Variants in OR11A1 observed in about 807,000 individuals in gnomAD.
The protein encoded by OR11A1 is olfactory receptor family 11 subfamily A member 1.
For synonymous variants in OR11A1, 158 were observed against 152.2 expected (o/e 1.04, Z -0.28); for missense variants, 380 against 378.2 (o/e 1.00, Z -0.04).
At chr6:29,447,789 C>G (rs568806232) in intron 1 of OR11A1, among the ~76,000 whole-genome samples, 2 of 152,278 alleles carry the variant, frequency 1.3e-5, no homozygotes, top group Non-Finnish European at 1.5e-5. Context: ...GCTTTTAATT[C>G]TTCCTGTTTC....
At chr6:29,437,090 G>A (rs1783692903) in intron 1 of OR11A1, among the ~76,000 whole-genome samples, 1 of 152,158 alleles carries the variant, frequency 6.6e-6, no homozygotes, top group Non-Finnish European at 1.5e-5. Flanking sequence ...GCTGTTGGTG[G>A]GACTGTAAAC....
intron 1 of OR11A1, chr6:29,440,277 C>A (rs781721806): frequency 6.2e-7 from 1 of 1,613,918 alleles, no homozygotes; most frequent in African/African-American, 1.3e-5. Flanking sequence ...CCTTACTGGC[C>A]GGCGCCACAT....
chr6:29,443,961 C>G (rs1406426400), intron 1 of OR11A1, among the ~76,000 whole-genome samples: 2 of 150,058 alleles, frequency 1.3e-5, no homozygotes, highest in African/African-American at 5.0e-5. Flanking sequence ...TTAGAGCCAC[C>G]AATCAGTAAT....
chr6:29,446,093 A>C (rs1160680660), intron 1 of OR11A1, among the ~76,000 whole-genome samples: 4 of 152,154 alleles, frequency 2.6e-5, no homozygotes, highest in African/African-American at 9.7e-5. Flanking sequence ...CAAAGATGCC[A>C]CCCATCATCT....
At chr6:29,440,193 T>C (rs2074469) in intron 1 of OR11A1, 300,315 of 1,613,666 alleles carry the variant, frequency 0.19, 28,981 homozygotes, top group Admixed American at 0.26. Context: ...CCCTATGTAC[T>C]TCTTCCTGCG....
intron 1 of OR11A1, among the ~76,000 whole-genome samples, chr6:29,451,184 CA>C (rs1190081839): frequency 6.6e-6 from 1 of 152,186 alleles, no homozygotes; most frequent in Non-Finnish European, 1.5e-5. Context: ...TTCCTTTCAC[CA>C]TATGCAAAAG....
Position 29,426,512 on chromosome 6 carries a change from T to C in OR11A1, c.*182A>G, listed in dbSNP as rs966911522. 7.0e-6 allele frequency: 4 copies of C among 572,208 alleles called. No individual in the cohort carries two copies. Among genetic ancestry groups the C allele is most frequent in the African/African-American group, 1.9e-5 (1 of 53,702 alleles). The allele number at this position is 572,208 out of a possible 1,614,324, so 35.4% of individuals were successfully genotyped here. On this transcript the variant is annotated 3_prime_UTR_variant, in exon 5 of 5. Coordinates refer to ENST00000377149, the MANE Select transcript of OR11A1 (RefSeq NM_001394828.1). ...TACCTATGTAACAAACCTGCACATG[T>C]ACCCTTGAACTTAAAATAAAAGTTA...
intron 4 of OR11A1, 49 bp from the exon 5 acceptor site, chr6:29,427,781 A>T: frequency 7.3e-7 from 1 of 1,361,804 alleles, no homozygotes; most frequent in East Asian, 2.5e-5. Context: ...CTAAAACAAG[A>T]CTCGCTCACG....
chr6:29,428,452 G>A, intron 4 of OR11A1: 3 of 968,844 alleles, frequency 3.1e-6, no homozygotes, highest in Non-Finnish European at 3.7e-6. Flanking sequence ...AGTTTTGAGG[G>A]CCAATTAAGA....
intron 3 of OR11A1, among the ~76,000 whole-genome samples, chr6:29,429,457 TG>T (rs1483723378): frequency 2.0e-5 from 3 of 152,330 alleles, no homozygotes; most frequent in Non-Finnish European, 4.4e-5. Context: ...CAAACAAAAC[TG>T]GTCCATACTC....
At chr6:29,429,722 T>C (rs1287609712) in intron 3 of OR11A1, among the ~76,000 whole-genome samples, 1 of 152,088 alleles carries the variant, frequency 6.6e-6, no homozygotes, top group Non-Finnish European at 1.5e-5. Flanking sequence ...AGGGGGTAAG[T>C]AGCCAAGGGT....
chr6:29,427,098 A>G lies in OR11A1; in HGVS notation c.544T>C (p.Phe182Leu). 1 of 1,612,868 alleles carries G rather than the reference A, an allele frequency of 6.2e-7. No homozygotes were observed. Among genetic ancestry groups the G allele is most frequent in the Non-Finnish European group, 8.5e-7 (1 of 1,179,998 alleles). Residue 182 changes from phenylalanine to leucine, a missense_variant, in exon 5 of 5, where the codon TTT (phenylalanine) becomes CTT (leucine). Coordinates refer to ENST00000377149, the MANE Select transcript of OR11A1 (RefSeq NM_001394828.1). ...CAAGCCAGGCCCACGAAAAGCATAA[A>G]GTCACAGTAAAACTGGTCAATGTGG... ...PNHIDQFYCD[F>L]MLFVGLACSD...
intron 1 of OR11A1, among the ~76,000 whole-genome samples, chr6:29,454,688 A>T (rs923237136): frequency 2.0e-5 from 3 of 152,194 alleles, no homozygotes; most frequent in African/African-American, 7.2e-5. Context: ...AAGTAGAAAC[A>T]ATCCAAATGT....
intron 1 of OR11A1, among the ~76,000 whole-genome samples, chr6:29,432,719 T>C (rs1045337878): frequency 2.6e-5 from 4 of 152,228 alleles, no homozygotes; most frequent in African/African-American, 9.6e-5. Context: ...TACTCCCTTT[T>C]TTGAAGCTTC....
At chr6:29,430,637 GAAT>G (rs1001463241) in intron 2 of OR11A1, among the ~76,000 whole-genome samples, 9 of 152,152 alleles carry the variant, frequency 5.9e-5, no homozygotes, top group Admixed American at 2.0e-4. Context: ...ACAGAATTCA[GAAT>G]AATAGACATT....
chr6:29,456,307 G>C (rs2151416400), intron 1 of OR11A1, among the ~76,000 whole-genome samples: 1 of 151,732 alleles, frequency 6.6e-6, no homozygotes, highest in East Asian at 1.9e-4. Context: ...CGGATCACGA[G>C]GTCAGGAGAT....
rs996624200 is a variant in OR11A1, at chr6:29,425,604, C to T, written c.*1090G>A. 8 of 152,092 alleles carry T rather than the reference C, an allele frequency of 5.3e-5. No homozygotes were observed. The highest frequency in any genetic ancestry group is 1.3e-4 in the Admixed American group (2 of 15,272). The allele number at this position is 152,092 out of a possible 1,614,324, so 9.4% of individuals were successfully genotyped here. A position where few individuals can be genotyped will look rare whatever the true frequency, so the allele number is the denominator to read the frequency against. ...TAACTTACACAACATAATAGTTATA[C>T]AACATCTGGAATTTGCCCTAAAATT... is the stretch of plus-strand genomic sequence containing the variant. On this transcript the variant is annotated 3_prime_UTR_variant, in exon 5 of 5. Coordinates refer to ENST00000377149, the MANE Select transcript of OR11A1 (RefSeq NM_001394828.1).
intron 1 of OR11A1, among the ~76,000 whole-genome samples, chr6:29,449,324 C>T (rs116042790): frequency 0.026 from 3,909 of 152,258 alleles, 79 homozygotes; most frequent in African/African-American, 0.055. Context: ...CCTCTCTACT[C>T]TCTGTTCAGT....
rs576398805 is a variant in OR11A1, at chr6:29,426,368, T to C, written c.*326A>G. 1 of 268,188 alleles carries C rather than the reference T, an allele frequency of 3.7e-6. No homozygotes were observed. The highest frequency in any genetic ancestry group is 6.5e-5 in the East Asian group (1 of 15,410). 16.6% of individuals were successfully genotyped at this position (268,188 alleles called of 1,614,324 possible). On this transcript the variant is annotated 3_prime_UTR_variant, in exon 5 of 5. Coordinates refer to ENST00000377149, the MANE Select transcript of OR11A1 (RefSeq NM_001394828.1). Reference sequence around the variant, plus strand: ...ACATAGAGGGGAACAACACACTGAATCCTACTTGAGGGTGGAGGTTGGGAG... The same window carrying C: ...ACATAGAGGGGAACAACACACTGAACCCTACTTGAGGGTGGAGGTTGGGAG...
Sources: gnomAD v4.1 joint callset for allele counts (sites outside exome capture counted in the v4.1 genomes callset) on GRCh38, gnomAD v4.1.1 for gene constraint, MANE v1.5 for transcripts, NCBI Gene and HGNC (gene_info 2026-07-23, HGNC 2026-07-21) for gene names.